Variants in PRKCQ observed in about 807,000 individuals in gnomAD.
The protein encoded by PRKCQ is protein kinase C theta.
In PRKCQ, 41 loss-of-function variants were observed where a neutral mutation model predicts 91.2. The ratio of observed to expected loss-of-function variants is 0.45; its 90% CI spans 0.35 to 0.58. The LOEUF is 0.58. Among genes scored for constraint, PRKCQ ranks in the 20% least tolerant of loss-of-function variants. The pLI is 0.00. For synonymous variants in PRKCQ, 307 were observed against 316.9 expected (o/e 0.97, Z 0.33); for missense variants, 673 against 896.5 (o/e 0.75, Z 3.18).
chr10:6,544,007 T>C (rs1564384112), intron 1 of PRKCQ, among the ~76,000 whole-genome samples: 1 of 152,162 alleles, frequency 6.6e-6, no homozygotes, highest in Non-Finnish European at 1.5e-5. Flanking sequence ...GCATATTTCT[T>C]CCAAGCAGGC....
Position 6,456,685 on chromosome 10 carries a change from T to C in PRKCQ, c.1636A>G (p.Ile546Val). 1.2e-6 allele frequency: 2 copies of C among 1,614,068 alleles called. No homozygotes were observed. The highest frequency in any genetic ancestry group is 1.7e-6 in the Non-Finnish European group (2 of 1,179,958). The change falls in exon 15 of 18, where the codon ATC (isoleucine) becomes GTC (valine). Residue 546 changes from isoleucine to valine, a missense_variant. Ile to Val is a conservative substitution (Grantham distance 29). Coordinates refer to ENST00000263125, the MANE Select transcript of PRKCQ (RefSeq NM_006257.5). ...TNTFCGTPDY[I>V]APEILLGQKY... Reference sequence around the variant, plus strand: ...CACTGCATTCCTACCTCTGGGGCGATGTAGTCAGGTGTCCCACAGAAGGTA... The same window carrying C: ...CACTGCATTCCTACCTCTGGGGCGACGTAGTCAGGTGTCCCACAGAAGGTA...
intron 1 of PRKCQ, among the ~76,000 whole-genome samples, chr10:6,522,490 C>T (rs913289457): frequency 2.4e-4 from 36 of 152,132 alleles, no homozygotes; most frequent in African/African-American, 8.0e-4. Flanking sequence ...TCCCAGAATG[C>T]GTTTATAGAG....
chr10:6,413,539 A>G, the PRKCQ span, among the ~76,000 whole-genome samples: 17,844 of 78,936 alleles, frequency 0.23, 2,817 homozygotes, highest in Non-Finnish European at 0.26. Context: ...CCACTTGTGC[A>G]CACACACACA....
At chr10:6,475,962 T>G (rs1302966556) in intron 12 of PRKCQ, among the ~76,000 whole-genome samples, 1 of 152,192 alleles carries the variant, frequency 6.6e-6, no homozygotes, top group Non-Finnish European at 1.5e-5. Flanking sequence ...TGAAGTTTTT[T>G]TTTCTCTCCC....
intron 4 of PRKCQ, among the ~76,000 whole-genome samples, chr10:6,502,155 G>C (rs1181655208): frequency 6.6e-6 from 1 of 152,172 alleles, no homozygotes; most frequent in Admixed American, 6.5e-5. Flanking sequence ...AGAGTCCAGA[G>C]GGAAAGAAAA....
chr10:6,433,072 G>T (rs558969595), intron 16 of PRKCQ, among the ~76,000 whole-genome samples: 7 of 152,242 alleles, frequency 4.6e-5, no homozygotes, highest in Non-Finnish European at 7.4e-5. Context: ...CATCACTCAT[G>T]ATTCTTACGA....
intron 1 of PRKCQ, among the ~76,000 whole-genome samples, chr10:6,519,906 T>G (rs1838932151): frequency 6.6e-6 from 1 of 152,176 alleles, no homozygotes; most frequent in Non-Finnish European, 1.5e-5. Context: ...ACTTTCCCTC[T>G]TTGAAGAGAG....
chr10:6,453,792 A>T (rs992332708), intron 15 of PRKCQ, among the ~76,000 whole-genome samples: 2 of 151,998 alleles, frequency 1.3e-5, no homozygotes, highest in African/African-American at 4.8e-5. Context: ...GAAACTGGAA[A>T]TCATCATTCT....
intron 1 of PRKCQ, among the ~76,000 whole-genome samples, chr10:6,551,618 G>A (rs181949712): frequency 6.6e-5 from 10 of 152,086 alleles, no homozygotes; most frequent in Admixed American, 5.9e-4. Flanking sequence ...GGATGGTCTC[G>A]ATCTCCTGAC....
At chr10:6,468,833 T>C (rs1169292633) in intron 12 of PRKCQ, among the ~76,000 whole-genome samples, 2 of 152,202 alleles carry the variant, frequency 1.3e-5, no homozygotes, top group African/African-American at 4.8e-5. Flanking sequence ...AAGACTGTAG[T>C]ACAACAAGAT....
chr10:6,483,395 A>G (rs1836721346), intron 11 of PRKCQ, 45 bp downstream of exon 11: 2 of 1,610,590 alleles, frequency 1.2e-6, no homozygotes, highest in Non-Finnish European at 1.7e-6. Flanking sequence ...TTGGCTCATC[A>G]GTTCCTGGAG....
Position 6,550,099 on chromosome 10 carries a change from T to G in PRKCQ, c.-10+30112A>C, listed in dbSNP as rs116783102. ...TTTCCACAAGCCCTGCAATCTCCGT[T>G]CTACTTCCCGTTTCTGTGAATTTGA... On this transcript the variant is annotated intron_variant, in intron 1 of 17. Transcript: ENST00000263125. Among the ~76,000 whole-genome samples, 1,052 of 152,288 alleles carry G rather than the reference T, an allele frequency of 6.9e-3. 16 individuals carry two copies. Among genetic ancestry groups the G allele is most frequent in the African/African-American group, 0.024 (995 of 41,550 alleles).
intron 15 of PRKCQ, among the ~76,000 whole-genome samples, chr10:6,447,144 C>T (rs1834350329): frequency 6.6e-6 from 1 of 152,160 alleles, no homozygotes; most frequent in Admixed American, 6.5e-5. Context: ...CGCAGTGGCT[C>T]ACACCTGTAA....
intron 1 of PRKCQ, among the ~76,000 whole-genome samples, chr10:6,542,923 T>G (rs1204530481): frequency 6.6e-6 from 1 of 152,224 alleles, no homozygotes; most frequent in Non-Finnish European, 1.5e-5. Flanking sequence ...TAAAAAGTAA[T>G]ATAAAAGGGT....
chr10:6,438,610 G>A (rs879143643), intron 16 of PRKCQ, among the ~76,000 whole-genome samples: 3 of 150,296 alleles, frequency 2.0e-5, no homozygotes, highest in Admixed American at 6.6e-5. Context: ...TTTTTTTTGC[G>A]GGGGGGACAG....
At chr10:6,402,214 G>A in the PRKCQ span, among the ~76,000 whole-genome samples, 3 of 152,008 alleles carry the variant, frequency 2.0e-5, no homozygotes, top group Non-Finnish European at 2.9e-5. Flanking sequence ...TGGGGACTAG[G>A]GGAGGGATAG....
At chr10:6,553,672 A>G (rs1202237553) in intron 1 of PRKCQ, among the ~76,000 whole-genome samples, 2 of 151,626 alleles carry the variant, frequency 1.3e-5, no homozygotes, top group Non-Finnish European at 2.9e-5. Context: ...CCTTGTAGAT[A>G]CCTCCTTGGG....
At chr10:6,394,489 C>CA in the PRKCQ span, among the ~76,000 whole-genome samples, 2 of 152,168 alleles carry the variant, frequency 1.3e-5, no homozygotes, top group Non-Finnish European at 2.9e-5. Flanking sequence ...TAAACACAAA[C>CA]AAAAAACAGC....
intron 1 of PRKCQ, among the ~76,000 whole-genome samples, chr10:6,556,795 AC>A (rs1840438434): frequency 6.6e-6 from 1 of 152,032 alleles, no homozygotes; most frequent in African/African-American, 2.4e-5. Flanking sequence ...AATTTCCTAA[AC>A]GGGCTGTCCC....
Sources: allele counts gnomAD v4.1 joint callset (sites outside exome capture counted in the v4.1 genomes callset), GRCh38; gene constraint gnomAD v4.1.1; transcripts MANE v1.5; gene names NCBI Gene and HGNC (gene_info 2026-07-23, HGNC 2026-07-21).